CSMD1: variants seen among roughly 807,000 people sequenced by gnomAD.
CSMD1 encodes CUB and sushi domain-containing protein 1.
CSMD1 carries 213 observed loss-of-function variants against 417.5 expected under a neutral mutation model. The observed-to-expected ratio is 0.51, with a 90% confidence interval of 0.46 to 0.57. The LOEUF is 0.57. CSMD1 is among the 20% of genes least tolerant of loss of function. The pLI, the probability that CSMD1 is intolerant of heterozygous loss-of-function variation, is 0.00. For synonymous variants in CSMD1, 2,862 were observed against 1,736.8 expected, an observed-to-expected ratio of 1.65 and a Z score of -16.11; for missense variants, 6,923 against 4,529.7, an observed-to-expected ratio of 1.53 and a Z score of -15.17.
intron 5 of CSMD1, among the ~76,000 whole-genome samples, chr8:3,873,510 A>C (rs974267783): frequency 6.6e-6 from 1 of 152,142 alleles, no homozygotes; most frequent in African/African-American, 2.4e-5. Flanking sequence ...TAATAAGAAC[A>C]CAGGGACACA....
At chr8:3,442,687 G>A (rs918532162) in intron 12 of CSMD1, among the ~76,000 whole-genome samples, 2 of 152,130 alleles carry the variant, frequency 1.3e-5, no homozygotes, top group African/African-American at 2.4e-5. Context: ...ATCTCAGAAC[G>A]TATCCCTGTT....
intron 3 of CSMD1, among the ~76,000 whole-genome samples, chr8:4,163,396 A>G (rs1029846601): frequency 6.6e-5 from 10 of 152,144 alleles, no homozygotes; most frequent in African/African-American, 1.9e-4. Context: ...ACAGCAATCT[A>G]CATTGTTGGT....
chr8:3,515,772 C>T (rs967389031), intron 10 of CSMD1, among the ~76,000 whole-genome samples: 1 of 152,208 alleles, frequency 6.6e-6, no homozygotes, highest in African/African-American at 2.4e-5. Context: ...TTAACAACTA[C>T]TTTCTGAACA....
chr8:3,387,574 G>A lies in CSMD1; in HGVS notation c.2702C>T (p.Pro901Leu), dbSNP rs114188379. Residue 901 changes from proline (P) to leucine (L), a missense_variant, in exon 18 of 70, where the codon CCG becomes CTG. By Grantham distance (98) the Pro-to-Leu change is moderately conservative. Transcript: ENST00000635120. ...CTCGTCGTCACTTAGTGTGTACCCCGGGTCACAGCTGAAAGTCACTGTGGA... is the reference window on the plus strand; with the variant it reads ...CTCGTCGTCACTTAGTGTGTACCCCAGGTCACAGCTGAAAGTCACTGTGGA... Reference protein sequence around the residue: ...IRSTVTFSCDPGYTLSDDEPL... With the variant: ...IRSTVTFSCDLGYTLSDDEPL... 381 of 1,601,016 alleles carry A rather than the reference G, an allele frequency of 2.4e-4. 4 individuals carry two copies. The African/African-American group carries it at 4.7e-3, about 20-fold the overall frequency.
chr8:4,644,252 C>T (rs2725005), intron 1 of CSMD1, among the ~76,000 whole-genome samples: 2,753 of 152,252 alleles, frequency 0.018, 75 homozygotes, highest in African/African-American at 0.062. Context: ...CTTGTTCCCA[C>T]CCCAGGCCCT....
chr8:4,970,026 T>C (rs4875422), intron 1 of CSMD1, among the ~76,000 whole-genome samples: 39,367 of 152,056 alleles, frequency 0.26, 6,444 homozygotes, highest in Non-Finnish European at 0.37. Flanking sequence ...TACCTAAAAA[T>C]TGAAATGCAA....
intron 5 of CSMD1, among the ~76,000 whole-genome samples, chr8:3,903,338 A>G (rs965405826): frequency 6.6e-6 from 1 of 152,176 alleles, no homozygotes; most frequent in African/African-American, 2.4e-5. Context: ...CTAAAAAAAA[A>G]AAATGTACTC....
intron 50 of CSMD1, among the ~76,000 whole-genome samples, chr8:3,038,334 A>C (rs1482581926): frequency 6.6e-6 from 1 of 152,180 alleles, no homozygotes; most frequent in African/African-American, 2.4e-5. Context: ...AATTACATAA[A>C]ATGAGTCTAA....
chr8:3,776,614 G>A (rs972475310), intron 5 of CSMD1, among the ~76,000 whole-genome samples: 1 of 152,012 alleles, frequency 6.6e-6, no homozygotes. Context: ...CATTGACATT[G>A]TAGACTCCAT....
chr8:3,328,937 T>C (rs1806713398), intron 23 of CSMD1, among the ~76,000 whole-genome samples: 1 of 152,232 alleles, frequency 6.6e-6, no homozygotes, highest in African/African-American at 2.4e-5. Flanking sequence ...TATAACGTGC[T>C]TGGGCTCAAG....
At chr8:3,209,066 C>T (rs187852569) in intron 30 of CSMD1, among the ~76,000 whole-genome samples, 255 of 152,222 alleles carry the variant, frequency 1.7e-3, no homozygotes, top group Non-Finnish European at 3.0e-3. Context: ...AATAAAAGAG[C>T]ATTGCCTTAT....
At chr8:3,407,454 T>A (rs1418101748) in intron 14 of CSMD1, among the ~76,000 whole-genome samples, 1 of 150,658 alleles carries the variant, frequency 6.6e-6, no homozygotes, top group African/African-American at 2.4e-5. Flanking sequence ...GATGGAAAGA[T>A]GGATGGAAGA....
At chr8:3,149,274 GT>G (rs1819046273) in intron 40 of CSMD1, among the ~76,000 whole-genome samples, 1 of 152,144 alleles carries the variant, frequency 6.6e-6, no homozygotes, top group South Asian at 2.1e-4. Flanking sequence ...GGAAAAATAA[GT>G]TAAGAAAATA....
intron 1 of CSMD1, among the ~76,000 whole-genome samples, chr8:4,885,686 T>C (rs1249057606): frequency 6.6e-6 from 1 of 151,494 alleles, no homozygotes; most frequent in East Asian, 1.9e-4. Flanking sequence ...TAAAACTATT[T>C]TTAATATTAG....
intron 54 of CSMD1, among the ~76,000 whole-genome samples, chr8:2,990,444 C>G (rs1001415710): frequency 6.6e-6 from 1 of 152,168 alleles, no homozygotes. Context: ...TCAGGGTATC[C>G]CCTAAACCCA....
intron 3 of CSMD1, among the ~76,000 whole-genome samples, chr8:4,124,975 G>A (rs113766410): frequency 2.6e-5 from 4 of 152,104 alleles, no homozygotes; most frequent in African/African-American, 9.7e-5. Context: ...AAGTTTTACT[G>A]TCGCTTTTGC....
chr8:3,875,982 A>G (rs998269699), intron 5 of CSMD1, among the ~76,000 whole-genome samples: 1 of 150,732 alleles, frequency 6.6e-6, no homozygotes, highest in African/African-American at 2.5e-5. Context: ...GCGAAGGGCC[A>G]CATGTCTTAC....
rs374361923 is a variant in CSMD1 at position 4,134,885 on chromosome 8, T to C, written c.416-102786A>G. Among the ~76,000 whole-genome samples, 15 of 152,318 alleles carry C rather than the reference T, an allele frequency of 9.8e-5. No individual in the cohort carries two copies. The East Asian group carries it at 2.3e-3, about 24-fold the overall frequency. The stretch of plus-strand genomic sequence containing the variant: ...TGCTCCTAGAATAAAGTTACACAAA[T>C]TGCTCGGAAGGCTTTCAATTATCTA... On this transcript the variant is annotated intron_variant, in intron 3 of 69. Transcript: ENST00000635120.
intron 5 of CSMD1, among the ~76,000 whole-genome samples, chr8:3,860,850 A>G (rs1190955522): frequency 6.6e-6 from 1 of 152,230 alleles, no homozygotes; most frequent in African/African-American, 2.4e-5. Context: ...AAAAATATAC[A>G]ATCATGAAAA....
Sources: allele counts gnomAD v4.1 joint callset (sites outside exome capture counted in the v4.1 genomes callset), GRCh38; gene constraint gnomAD v4.1.1; transcripts MANE v1.5; gene names NCBI Gene and HGNC (gene_info 2026-07-23, HGNC 2026-07-21).